Variants in ZHX3 observed in about 807,000 individuals in gnomAD.
The protein encoded by ZHX3 is zinc fingers and homeoboxes 3, also known as zinc fingers and homeoboxes protein 3.
In ZHX3, 20 loss-of-function variants were observed where a neutral mutation model predicts 64.5. The ratio of observed to expected loss-of-function variants is 0.31; its 90% CI spans 0.22 to 0.45. The LOEUF is 0.45. Ranked by LOEUF, ZHX3 falls within the 20% of genes least tolerant of loss-of-function variation. The pLI, the probability that ZHX3 is intolerant of heterozygous loss-of-function variation, is 1.00. For synonymous variants in ZHX3, 423 were observed against 461.6 expected (o/e 0.92, Z 1.07); for missense variants, 1,041 against 1,195.8 (o/e 0.87, Z 1.91).
chr20:41,246,822 G>A (rs967169852), intron 2 of ZHX3, among the ~76,000 whole-genome samples: 34 of 150,124 alleles, frequency 2.3e-4, no homozygotes, highest in African/African-American at 8.3e-4. Context: ...GCAGTGAGCC[G>A]AGACTGTGCC....
intron 1 of ZHX3, among the ~76,000 whole-genome samples, chr20:41,304,630 GATTT>G (rs1181656100): frequency 1.3e-5 from 2 of 152,184 alleles, no homozygotes; most frequent in African/African-American, 4.8e-5. Context: ...CACACACTAA[GATTT>G]ATTTTAAGAA....
chr20:41,239,944 A>G (rs1373679030), intron 2 of ZHX3, among the ~76,000 whole-genome samples: 2 of 152,226 alleles, frequency 1.3e-5, no homozygotes, highest in East Asian at 3.8e-4. Context: ...TTTAAGAGAA[A>G]ATAGGTAAAG....
rs910795334 is a variant in ZHX3, at chr20:41,232,323, G to C, written c.-150-27257C>G. Among the ~76,000 whole-genome samples the C allele has an allele frequency of 6.6e-6, 1 of 151,222 alleles. No homozygotes were observed. The highest frequency in any genetic ancestry group is 6.6e-5 in the Admixed American group (1 of 15,216). ...AAAAAAAGGTCTAGTTTTAAACAAA[G>C]AACTCAATGGTTAAGAACTAGTATA... On this transcript the variant is annotated intron_variant, in intron 2 of 3. Coordinates refer to ENST00000683867, the MANE Select transcript of ZHX3 (RefSeq NM_001384317.1). The surrounding 1 kb of genome is among the most constrained non-coding windows in gnomAD (Gnocchi z 5.0).
intron 1 of ZHX3, among the ~76,000 whole-genome samples, chr20:41,301,829 C>T (rs944957568): frequency 2.0e-5 from 3 of 151,750 alleles, no homozygotes; most frequent in East Asian, 1.9e-4. Context: ...CCGAGGCGGG[C>T]GGATCACGAG....
chr20:41,269,310 G>A (rs942498381), intron 1 of ZHX3: 1 of 152,192 alleles, frequency 6.6e-6, no homozygotes, highest in Non-Finnish European at 1.5e-5. Context: ...TCTGATAACA[G>A]ATCAGAACAA....
chr20:41,206,817 G>A (rs577534575), intron 2 of ZHX3, among the ~76,000 whole-genome samples: 1 of 152,206 alleles, frequency 6.6e-6, no homozygotes, highest in East Asian at 1.9e-4. Context: ...GATACTCCTC[G>A]AGAAGAGCAA....
intron 3 of ZHX3, among the ~76,000 whole-genome samples, chr20:41,190,762 T>G (rs2036948555): frequency 6.6e-6 from 1 of 152,240 alleles, no homozygotes; most frequent in Non-Finnish European, 1.5e-5. Context: ...TTGCCTGTCT[T>G]GGAAATACTT....
chr20:41,267,312 G>A (rs563648396), intron 2 of ZHX3, among the ~76,000 whole-genome samples: 19 of 152,164 alleles, frequency 1.2e-4, no homozygotes, highest in Admixed American at 5.2e-4. Flanking sequence ...TTTAAGCCCC[G>A]CTGTTTAGCA....
In ZHX3 at chr20:41,299,780, T is replaced by G. The variant is rs547024096; in HGVS notation, c.-245+17729A>C. On this transcript the variant is annotated intron_variant, in intron 1 of 3. Coordinates refer to ENST00000683867, the MANE Select transcript of ZHX3 (RefSeq NM_001384317.1). ...AGGAGGCTGAGGCAGGAGAATCGCTTGAACCTGGAAGGCAGAGGTTGCAGT... is the reference window on the plus strand; with the variant it reads ...AGGAGGCTGAGGCAGGAGAATCGCTGGAACCTGGAAGGCAGAGGTTGCAGT... 2.0e-5 allele frequency among the ~76,000 whole-genome samples: 3 copies of G among 149,244 alleles called. No individual in the cohort carries two copies. The Admixed American group carries it at 2.0e-4, about 10-fold the overall frequency.
rs2146084162 is a variant in ZHX3 at position 41,180,790 on chromosome 20, CTTGA to C, written c.*4397_*4400del. 6.6e-6 allele frequency: 1 copy of C among 152,392 alleles called. No homozygotes were observed. Among genetic ancestry groups the C allele is most frequent in the East Asian group, 1.9e-4 (1 of 5,190 alleles). The allele number at this position is 152,392 out of a possible 1,614,324, so 9.4% of individuals were successfully genotyped here. The stretch of plus-strand genomic sequence containing the variant: ...GCACTCAGAGCAAACCAAGCAGCAC[CTTGA>C]TTGCCACTTTTCCTCCAGCCACTCT... On this transcript the variant is annotated 3_prime_UTR_variant, in exon 4 of 4. Coordinates refer to ENST00000683867, the MANE Select transcript of ZHX3 (RefSeq NM_001384317.1).
chr20:41,196,370 AT>A (rs1216077800), intron 3 of ZHX3, among the ~76,000 whole-genome samples: 4 of 70,116 alleles, frequency 5.7e-5, no homozygotes, highest in Admixed American at 2.4e-4. Flanking sequence ...AAATATATAT[AT>A]TTATATAACA....
intron 1 of ZHX3, among the ~76,000 whole-genome samples, chr20:41,274,326 A>C (rs1350098152): frequency 6.6e-6 from 1 of 152,256 alleles, no homozygotes; most frequent in African/African-American, 2.4e-5. Flanking sequence ...CAGACTTCGC[A>C]GAACAGTATC....
At chr20:41,268,061 CA>C (rs2042949323) in intron 2 of ZHX3, among the ~76,000 whole-genome samples, 1 of 152,196 alleles carries the variant, frequency 6.6e-6, no homozygotes, top group African/African-American at 2.4e-5. Context: ...GTGCCCACCA[CA>C]AGACAGAAAG....
chr20:41,287,490 T>C (rs543170724), intron 1 of ZHX3, among the ~76,000 whole-genome samples: 7 of 152,326 alleles, frequency 4.6e-5, no homozygotes, highest in Non-Finnish European at 8.8e-5. Context: ...TACTGACTCA[T>C]TTCTAACAAA....
Position 41,256,659 on chromosome 20 carries a change from CA to C in ZHX3, c.-151+12330del, listed in dbSNP as rs2042269656. Among the ~76,000 whole-genome samples, 7 of 149,512 alleles carry C rather than the reference CA, an allele frequency of 4.7e-5. No individual in the cohort carries two copies. In the Admixed American group the frequency reaches 4.7e-4, roughly 10 times the overall value. ...GTATCTAGCATGCCCAGCCTTGCAG[CA>C]ATCAGAATGTCTGCCCCAGGCCAAT... On this transcript the variant is annotated intron_variant, in intron 2 of 3. Coordinates refer to ENST00000683867, the MANE Select transcript of ZHX3 (RefSeq NM_001384317.1).
intron 1 of ZHX3, among the ~76,000 whole-genome samples, chr20:41,270,398 G>A (rs991993391): frequency 9.4e-5 from 14 of 149,190 alleles, no homozygotes; most frequent in African/African-American, 2.0e-4. Flanking sequence ...AAAAAAGGCC[G>A]GGCACGGTGG....
intron 3 of ZHX3, among the ~76,000 whole-genome samples, chr20:41,196,446 T>A (rs1396373518): frequency 1.6e-5 from 1 of 62,378 alleles, no homozygotes; most frequent in Non-Finnish European, 2.8e-5. Flanking sequence ...ATATATATTA[T>A]ATATAATATA....
At chr20:41,192,309 G>A (rs572601617) in intron 3 of ZHX3, among the ~76,000 whole-genome samples, 22 of 152,196 alleles carry the variant, frequency 1.4e-4, no homozygotes, top group Non-Finnish European at 3.1e-4. Context: ...GGCCACGGAG[G>A]TGGTGGTGTA....
chr20:41,244,046 T>C (rs568085906), intron 2 of ZHX3, among the ~76,000 whole-genome samples: 1 of 152,238 alleles, frequency 6.6e-6, no homozygotes, highest in Non-Finnish European at 1.5e-5. Flanking sequence ...GATAATCCTA[T>C]GTGCTGGGGG....
Sources: gnomAD v4.1 joint callset for allele counts (sites outside exome capture counted in the v4.1 genomes callset) on GRCh38, gnomAD v4.1.1 for gene constraint, Gnocchi (gnomAD v3.1) non-coding constraint, MANE v1.5 for transcripts, NCBI Gene and HGNC (gene_info 2026-07-23, HGNC 2026-07-21) for gene names.